Variants in ARHGAP11A observed in about 807,000 individuals in gnomAD.
ARHGAP11A encodes rho GTPase-activating protein 11A.
A neutral mutation model predicts 60.5 loss-of-function variants in ARHGAP11A; 36 were observed. That is an observed-to-expected ratio of 0.59 (90% CI 0.46 to 0.79). The LOEUF is 0.79. ARHGAP11A is among the 30% of genes least tolerant of loss of function. The pLI is 0.00. For missense variants in ARHGAP11A, 1,071 were observed against 1,199.2 expected (o/e 0.89, Z 1.58); for synonymous variants, 362 against 415.5 (o/e 0.87, Z 1.57).
At position 32,632,984 on chromosome 15, in the gene ARHGAP11A, A is replaced by T. The variant is rs150487610; in HGVS notation, c.1111A>T (p.Ile371Phe). The T allele has an allele frequency of 6.2e-7, 1 of 1,612,242 alleles. No homozygotes were observed. Among genetic ancestry groups the T allele is most frequent in the East Asian group, 2.2e-5 (1 of 44,844 alleles). Residue 371 changes from isoleucine (I) to phenylalanine (F), a missense_variant, in exon 9 of 12, where the codon ATC (isoleucine) becomes TTC (phenylalanine). Physicochemically the swap from Ile to Phe is conservative, Grantham distance 21. Around this residue, in one of 4 missense-constraint regions of ARHGAP11A, gnomAD observed 776 missense variants for 760.2 expected, o/e 1.02. Transcript: ENST00000361627. ...ACATGTGGTTATTTTTGTAGTTCAC[A>T]TCGATACAAGCTCAGAAGGGTCATC... ...NSSSTPVSVH[I>F]DTSSEGSSQS...
chr15:32,628,248 A>G (rs1345927977), intron 6 of ARHGAP11A, among the ~76,000 whole-genome samples: 1 of 152,060 alleles, frequency 6.6e-6, no homozygotes, highest in Non-Finnish European at 1.5e-5. Context: ...CCTGTCTACT[A>G]TTTCCTGTCT....
chr15:32,617,512 C>T (rs1278301326), intron 1 of ARHGAP11A, among the ~76,000 whole-genome samples: 3 of 139,536 alleles, frequency 2.1e-5, no homozygotes, highest in African/African-American at 8.3e-5. Context: ...CCCTCTGTCG[C>T]CCAGGCTGGA....
Position 32,637,072 on chromosome 15 carries a change from A to G in ARHGAP11A, c.2299A>G (p.Ser767Gly), listed in dbSNP as rs1283123934. The G allele has an allele frequency of 6.2e-7, 1 of 1,613,908 alleles. No individual in the cohort carries two copies. The highest frequency in any genetic ancestry group is 8.5e-7 in the Non-Finnish European group (1 of 1,180,054). Residue 767 changes from serine (S) to glycine (G), a missense_variant, in exon 12 of 12, where the codon AGT (serine) becomes GGT (glycine). By Grantham distance (56) the Ser-to-Gly change is moderately conservative. Transcript: ENST00000361627. ...DEARSSFSQQ[S>G]TCVVTNLSKP... ...GGCTAGATCCTCTTTCTCACAGCAG[A>G]GTACATGTGTTGTAACAAACTTGTC...
At position 32,636,940 on chromosome 15, in the gene ARHGAP11A, A is replaced by G. The variant is rs1371267315; in HGVS notation, c.2167A>G (p.Ile723Val). The G allele has an allele frequency of 1.9e-6, 3 of 1,610,810 alleles. No individual in the cohort carries two copies. The highest frequency in any genetic ancestry group is 2.5e-6 in the Non-Finnish European group (3 of 1,179,154). The change falls in exon 12 of 12, where the codon ATA (isoleucine) becomes GTA (valine). Residue 723 changes from isoleucine to valine, a missense_variant. By Grantham distance (29) the Ile-to-Val change is conservative (BLOSUM62 3). This residue lies in a region of ARHGAP11A where 776 missense variants were observed against 760.2 expected (regional missense o/e 1.02). Transcript: ENST00000361627. Reference sequence around the variant, plus strand: ...GCAAGAATTCTCCAGTGATGAAGAAATAAAGAAACAGCAGTCCCCAAAGGA... The same window carrying G: ...GCAAGAATTCTCCAGTGATGAAGAAGTAAAGAAACAGCAGTCCCCAAAGGA... ...SKQEFSSDEE[I>V]KKQQSPKDKL...
rs758801641 is a variant in ARHGAP11A at position 32,625,032 on chromosome 15, T to C, written c.552-48T>C. ...ACTACATACGTTATTTTAACTCTTC[T>C]GTATTTTCACGTTTGGCTCCATCTA... is the stretch of plus-strand genomic sequence containing the variant. On this transcript the variant is annotated intron_variant, in intron 4 of 11. Transcript: ENST00000361627. 8.8e-6 allele frequency: 14 copies of C among 1,591,610 alleles called. No homozygotes were observed. The South Asian group carries it at 1.2e-4, about 14-fold the overall frequency.
rs1239599586 is a variant in ARHGAP11A at position 32,624,268 on chromosome 15, C to T, written c.393C>T (p.Pro131=). 1.2e-6 allele frequency: 2 copies of T among 1,613,488 alleles called. No individual in the cohort carries two copies. The highest frequency in any genetic ancestry group is 1.7e-4 in the Middle Eastern group (1 of 6,056). Residue 131 remains proline (P), a synonymous_variant, in exon 4 of 12, where the codon CCC becomes CCT. Coordinates refer to ENST00000361627, the MANE Select transcript of ARHGAP11A (RefSeq NM_014783.6). ...LKQFFRELPE[P]ILPADLHEAL... ...AGTTTTTTAGGGAACTGCCAGAGCC[C>T]ATTCTCCCAGCTGATTTGCATGAAG...
intron 10 of ARHGAP11A, 34 bp downstream of exon 10, chr15:32,634,075 T>G: frequency 7.0e-7 from 1 of 1,422,982 alleles, no homozygotes; most frequent in Non-Finnish European, 9.7e-7. Flanking sequence ...ATCTTTATAT[T>G]AGCATAACGC....
At chr15:32,620,285 G>A (rs2053264314) in intron 2 of ARHGAP11A, 107 bp downstream of exon 2, 2 of 1,588,368 alleles carry the variant, frequency 1.3e-6, no homozygotes, top group Non-Finnish European at 8.6e-7. Flanking sequence ...AGGAGCTTAA[G>A]ACCAGCCTGG....
intron 6 of ARHGAP11A, among the ~76,000 whole-genome samples, chr15:32,626,475 C>T (rs1401431641): frequency 6.6e-6 from 1 of 152,090 alleles, no homozygotes; most frequent in Non-Finnish European, 1.5e-5. Flanking sequence ...TTTTGAATAT[C>T]AGAACCAAAT....
In ARHGAP11A at chr15:32,624,183, A is replaced by G. The variant is rs374331846; in HGVS notation, c.308A>G (p.Asp103Gly). The G allele has an allele frequency of 1.4e-5, 22 of 1,609,724 alleles. No individual in the cohort carries two copies. In the African/African-American group the frequency reaches 2.7e-4, roughly 20 times the overall value. ...TTATATTTATTTCAGAATAAAGTGG[A>G]TCATGGTGAAGGTTGCCTATCTTCT... Reference protein sequence around the residue: ...IRLKALKNKVDHGEGCLSSAP... With the variant: ...IRLKALKNKVGHGEGCLSSAP... Residue 103 changes from aspartate (D) to glycine (G), a missense_variant, in exon 4 of 12, where the codon GAT becomes GGT. By Grantham distance (94) the Asp-to-Gly change is moderately conservative. Around this residue, in one of 4 missense-constraint regions of ARHGAP11A, gnomAD observed 71 missense variants for 142.4 expected, o/e 0.50. Coordinates refer to ENST00000361627, the MANE Select transcript of ARHGAP11A (RefSeq NM_014783.6).
At chr15:32,626,773 C>A (rs2053468281) in intron 6 of ARHGAP11A, among the ~76,000 whole-genome samples, 1 of 152,226 alleles carries the variant, frequency 6.6e-6, no homozygotes, top group African/African-American at 2.4e-5. Flanking sequence ...GGCTGTCAGT[C>A]CTTAGCATTC....
rs754140980 is a variant in ARHGAP11A at position 32,637,972 on chromosome 15, GT to G, written c.*130del. The stretch of plus-strand genomic sequence containing the variant: ...GCAATAGATTTGCTCTATTGAAAAT[GT>G]TTCATTTTTTTCACTGTACAAGCAA... On this transcript the variant is annotated 3_prime_UTR_variant, in exon 12 of 12. Coordinates refer to ENST00000361627, the MANE Select transcript of ARHGAP11A (RefSeq NM_014783.6). 2.6e-4 allele frequency: 228 copies of G among 881,808 alleles called. No homozygotes were observed. Among genetic ancestry groups the G allele is most frequent in the Non-Finnish European group, 3.6e-4 (219 of 601,794 alleles). 54.6% of individuals were successfully genotyped at this position (881,808 alleles called of 1,614,324 possible). A position where few individuals can be genotyped will look rare whatever the true frequency, so the allele number is the denominator to read the frequency against.
chr15:32,635,831 C>CA lies in ARHGAP11A; in HGVS notation c.1401dup (p.Gln468ThrfsTer8). ...AAGTGTTGGTTGGCGACTTGCAAAT[C>CA]AACAAAGTTTAAAAAATCGAATTGA... On this transcript the variant is annotated frameshift_variant, in exon 11 of 12. Transcript: ENST00000361627. LOFTEE classifies it high-confidence loss of function. 1 of 1,610,392 alleles carries CA rather than the reference C, an allele frequency of 6.2e-7. No individual in the cohort carries two copies. Among genetic ancestry groups the CA allele is most frequent in the Non-Finnish European group, 8.5e-7 (1 of 1,178,808 alleles).
Position 32,637,517 on chromosome 15 carries a change from C to T in ARHGAP11A, c.2744C>T (p.Ala915Val), listed in dbSNP as rs2053751268. Residue 915 changes from alanine to valine, a missense_variant, in exon 12 of 12, where the codon GCA becomes GTA. Around this residue, in one of 4 missense-constraint regions of ARHGAP11A, gnomAD observed 776 missense variants for 760.2 expected, o/e 1.02. Transcript: ENST00000361627. ...TCATGTGAAGAGTCAAATATTGGTG[C>T]AATTTCAAAGTCAAGCATGGAGTTA... ...SMSCEESNIGAISKSSMELPS... is the reference protein window; with the variant it reads ...SMSCEESNIGVISKSSMELPS... 1 of 1,613,726 alleles carries T rather than the reference C, an allele frequency of 6.2e-7. No homozygotes were observed. The highest frequency in any genetic ancestry group is 8.5e-7 in the Non-Finnish European group (1 of 1,179,972).
At position 32,628,748 on chromosome 15, in the gene ARHGAP11A, A is replaced by G. The variant is rs1413160685; in HGVS notation, c.883A>G (p.Asn295Asp). Residue 295 changes from asparagine to aspartate, a missense_variant, in exon 7 of 12, where the codon AAT becomes GAT. This residue lies in a region of ARHGAP11A where 196 missense variants were observed against 272.1 expected (regional missense o/e 0.72). Transcript: ENST00000361627. ...TTCAGATTTTGTTAGTGGAGCACTA[A>G]ATAAATTTAAACCTAACAGAACACC... ...SVGDFVSGALNKFKPNRTPSI... is the reference protein window; with the variant it reads ...SVGDFVSGALDKFKPNRTPSI... 1 of 1,571,302 alleles carries G rather than the reference A, an allele frequency of 6.4e-7. No individual in the cohort carries two copies. Among genetic ancestry groups the G allele is most frequent in the African/African-American group, 1.4e-5 (1 of 72,396 alleles).
intron 6 of ARHGAP11A, among the ~76,000 whole-genome samples, chr15:32,627,731 A>AAAT (rs1240418456): frequency 6.6e-6 from 1 of 152,080 alleles, no homozygotes; most frequent in Non-Finnish European, 1.5e-5. Context: ...TCCGTCTCAA[A>AAAT]AATAAAAATT....
At position 32,637,679 on chromosome 15, in the gene ARHGAP11A, A is replaced by G; in HGVS notation, c.2906A>G (p.Asp969Gly). Reference protein sequence around the residue: ...KVPLDDLTNHDIVKPVVNNNM... With the variant: ...KVPLDDLTNHGIVKPVVNNNM... Reference sequence around the variant, plus strand: ...CCCTTGGATGATCTGACTAATCATGATATAGTAAAACCAGTTGTAAATAAC... The same window carrying G: ...CCCTTGGATGATCTGACTAATCATGGTATAGTAAAACCAGTTGTAAATAAC... Residue 969 changes from aspartate to glycine, a missense_variant, in exon 12 of 12, where the codon GAT (aspartate) becomes GGT (glycine). By Grantham distance (94) the Asp-to-Gly change is moderately conservative. Around this residue, in one of 4 missense-constraint regions of ARHGAP11A, gnomAD observed 776 missense variants for 760.2 expected, o/e 1.02. Coordinates refer to ENST00000361627, the MANE Select transcript of ARHGAP11A (RefSeq NM_014783.6). The G allele has an allele frequency of 3.7e-6, 6 of 1,614,204 alleles. No individual in the cohort carries two copies. Among genetic ancestry groups the G allele is most frequent in the Non-Finnish European group, 5.1e-6 (6 of 1,180,020 alleles).
Position 32,637,831 on chromosome 15 carries a change from C to A in ARHGAP11A, c.3058C>A (p.Pro1020Thr). Reference protein sequence around the residue: ...GKTQLLPTSKPVDL With the variant: ...GKTQLLPTSKTVDL ...AACTCAATTACTACCAACAAGTAAA[C>A]CTGTAGATTTGTAATTGGTAAATGT... Residue 1020 changes from proline to threonine, a missense_variant, in exon 12 of 12, where the codon CCT (proline) becomes ACT (threonine). By Grantham distance (38) the Pro-to-Thr change is conservative. Around this residue, in one of 4 missense-constraint regions of ARHGAP11A, gnomAD observed 776 missense variants for 760.2 expected, o/e 1.02. Coordinates refer to ENST00000361627, the MANE Select transcript of ARHGAP11A (RefSeq NM_014783.6). The A allele has an allele frequency of 2.5e-6, 4 of 1,591,932 alleles. No individual in the cohort carries two copies. Among genetic ancestry groups the A allele is most frequent in the Non-Finnish European group, 2.6e-6 (3 of 1,171,896 alleles).
At position 32,623,501 on chromosome 15, in the gene ARHGAP11A, C is replaced by T. The variant is rs151145791; in HGVS notation, c.210C>T (p.Val70=). 6.8e-6 allele frequency: 11 copies of T among 1,611,136 alleles called. 1 individual carries two copies. The South Asian group carries it at 1.0e-4, about 15-fold the overall frequency. ...PEYGHIPSFL[V]DACTSLEDHI... Reference sequence around the variant, plus strand: ...AAAATCTCTCTTTCAGCTTTCTTGTCGATGCTTGCACATCTTTAGAAGACC... The same window carrying T: ...AAAATCTCTCTTTCAGCTTTCTTGTTGATGCTTGCACATCTTTAGAAGACC... The change falls in exon 3 of 12, where the codon GTC becomes GTT. Residue 70 remains valine, a synonymous_variant. Coordinates refer to ENST00000361627, the MANE Select transcript of ARHGAP11A (RefSeq NM_014783.6).
Sources: gnomAD v4.1 joint callset for allele counts (sites outside exome capture counted in the v4.1 genomes callset) on GRCh38, gnomAD v4.1.1 for gene constraint, gnomAD v4.1.1 regional missense constraint, MANE v1.5 for transcripts, NCBI Gene and HGNC (gene_info 2026-07-23, HGNC 2026-07-21) for gene names.